Variants in PLXDC1 observed in about 807,000 individuals in gnomAD.
PLXDC1 encodes plexin domain-containing protein 1.
Under a neutral mutation model 61.3 loss-of-function variants are expected in PLXDC1, and 39 were observed. The ratio of observed to expected loss-of-function variants is 0.64; its 90% confidence interval spans 0.49 to 0.83. The LOEUF is 0.83. Among genes scored for constraint, PLXDC1 ranks in the 40% least tolerant of loss-of-function variants. PLXDC1 has a pLI of 0.00. For synonymous variants in PLXDC1, 212 were observed against 254.5 expected (o/e 0.83, Z 1.59); for missense variants, 596 against 666.5 (o/e 0.89, Z 1.17).
At chr17:39,100,641 A>C (rs77404026) in intron 7 of PLXDC1, among the ~76,000 whole-genome samples, 2,944 of 152,142 alleles carry the variant, frequency 0.019, 99 homozygotes, top group African/African-American at 0.068. Context: ...ATCCATAAAA[A>C]CTCTGAGATA....
chr17:39,085,072 C>T (rs1448621732), intron 8 of PLXDC1, among the ~76,000 whole-genome samples: 1 of 152,260 alleles, frequency 6.6e-6, no homozygotes, highest in Non-Finnish European at 1.5e-5. Flanking sequence ...AATGACCACT[C>T]ATTTGATCAA....
intron 2 of PLXDC1, among the ~76,000 whole-genome samples, chr17:39,128,149 G>GTATATATATA (rs1567769629): frequency 6.1e-5 from 3 of 49,488 alleles, no homozygotes; most frequent in Non-Finnish European, 7.9e-5. Flanking sequence ...GTATATATAT[G>GTATATATATA]TGTGTATATA....
At chr17:39,140,026 G>A (rs776778689) in intron 1 of PLXDC1, among the ~76,000 whole-genome samples, 194 bp from the exon 2 acceptor site, 3 of 152,154 alleles carry the variant, frequency 2.0e-5, no homozygotes, top group Non-Finnish European at 4.4e-5. Flanking sequence ...CAAGCACTTC[G>A]CACATATCCT....
chr17:39,117,184 T>C (rs1235577113), intron 2 of PLXDC1, among the ~76,000 whole-genome samples: 10 of 152,222 alleles, frequency 6.6e-5, no homozygotes, highest in Admixed American at 2.6e-4. Context: ...CAACTAGCCC[T>C]GGCTCATGGA....
chr17:39,087,599 C>G lies in PLXDC1; in HGVS notation c.907+8G>C. 1 of 1,608,390 alleles carries G rather than the reference C, an allele frequency of 6.2e-7. No homozygotes were observed. The highest frequency in any genetic ancestry group is 8.5e-7 in the Non-Finnish European group (1 of 1,174,824). The stretch of plus-strand genomic sequence containing the variant: ...TCTTTCTGGGATGGCGGAATGACCC[C>G]TACTCACTCGGCAATGGGGTGAACT... On this transcript the variant is annotated splice_region_variant and intron_variant, in intron 8 of 13. Transcript: ENST00000315392.
chr17:39,087,460 A>C, intron 8 of PLXDC1, 147 bp downstream of exon 8: 1 of 648,124 alleles, frequency 1.5e-6, no homozygotes. Context: ...GGGAGGTGGC[A>C]TCAGGCTCGG....
intron 7 of PLXDC1, among the ~76,000 whole-genome samples, chr17:39,105,540 G>A (rs980885277): frequency 3.9e-5 from 6 of 152,202 alleles, no homozygotes; most frequent in Admixed American, 3.9e-4. Flanking sequence ...TATTCTGGGA[G>A]GACTCAAACC....
At position 39,065,684 on chromosome 17, in the gene PLXDC1, G is replaced by A. The variant is rs1028175056; in HGVS notation, c.*2156C>T. 2 of 152,136 alleles carry A rather than the reference G, an allele frequency of 1.3e-5. No individual in the cohort carries two copies. Among genetic ancestry groups the A allele is most frequent in the African/African-American group, 4.8e-5 (2 of 41,418 alleles). The allele number at this position is 152,136 out of a possible 1,614,324, so 9.4% of individuals were successfully genotyped here. A position where few individuals can be genotyped will look rare whatever the true frequency, so the allele number is the denominator to read the frequency against. On this transcript the variant is annotated 3_prime_UTR_variant, in exon 14 of 14. Coordinates refer to ENST00000315392, the MANE Select transcript of PLXDC1 (RefSeq NM_020405.5). ...AGCCATCAGGCTTGGCCAAATAAGC[G>A]TTTATTGGACAGATCCAGTTCTCCA... is the stretch of plus-strand genomic sequence containing the variant.
At chr17:39,124,899 C>T (rs1911270346) in intron 2 of PLXDC1, among the ~76,000 whole-genome samples, 1 of 152,126 alleles carries the variant, frequency 6.6e-6, no homozygotes, top group African/African-American at 2.4e-5. Flanking sequence ...CTGCAACCTC[C>T]ACCTCCCGGG....
rs1011857790 is a variant in PLXDC1, at chr17:39,125,158, A to G, written c.255+14496T>C. Reference sequence around the variant, plus strand: ...ATTTTCTCTCACCTCATGTATCCATACAATAACCCCCAGCTGCCCTCTGGA... The same window carrying G: ...ATTTTCTCTCACCTCATGTATCCATGCAATAACCCCCAGCTGCCCTCTGGA... On this transcript the variant is annotated intron_variant, in intron 2 of 13. Transcript: ENST00000315392. 2.0e-5 allele frequency among the ~76,000 whole-genome samples: 3 copies of G among 152,218 alleles called. No individual in the cohort carries two copies. The South Asian group carries it at 6.2e-4, about 31-fold the overall frequency.
At chr17:39,083,327 G>C (rs1909628374) in intron 9 of PLXDC1, 132 bp downstream of exon 9, 3 of 721,612 alleles carry the variant, frequency 4.2e-6, no homozygotes, top group Non-Finnish European at 7.5e-6. Flanking sequence ...TGTCCCAAGA[G>C]TCAGAGTGGT....
intron 9 of PLXDC1, 60 bp from the exon 10 acceptor site, chr17:39,079,224 C>T: frequency 1.4e-6 from 2 of 1,422,118 alleles, no homozygotes; most frequent in South Asian, 1.1e-5. Flanking sequence ...CTTCCCCTTT[C>T]ACTGTTCAGT....
chr17:39,136,542 C>A (rs1167595987), intron 2 of PLXDC1, among the ~76,000 whole-genome samples: 1 of 152,040 alleles, frequency 6.6e-6, no homozygotes, highest in Non-Finnish European at 1.5e-5. Context: ...AGCCACCGTG[C>A]CCGGCCCAAA....
At chr17:39,075,319 C>T (rs905070512) in intron 11 of PLXDC1, among the ~76,000 whole-genome samples, 1 of 152,246 alleles carries the variant, frequency 6.6e-6, no homozygotes, top group Admixed American at 6.5e-5. Context: ...TCAGTGCCAG[C>T]TCCTTGTTAT....
rs563170223 is a variant in PLXDC1, at chr17:39,066,444, T to C, written c.*1396A>G. On this transcript the variant is annotated 3_prime_UTR_variant, in exon 14 of 14. Transcript: ENST00000315392. ...CTTGAGTTCTTTTCTCTCCTCTTAT[T>C]TGACTTCCCTCCCATGATAACATGC... The C allele has an allele frequency of 6.6e-6, 1 of 152,326 alleles. No homozygotes were observed. Among genetic ancestry groups the C allele is most frequent in the South Asian group, 2.1e-4 (1 of 4,822 alleles). 9.4% of individuals were successfully genotyped at this position (152,326 alleles called of 1,614,324 possible).
intron 2 of PLXDC1, among the ~76,000 whole-genome samples, chr17:39,135,165 T>G (rs147257963): frequency 6.6e-6 from 1 of 152,364 alleles, no homozygotes; most frequent in Non-Finnish European, 1.5e-5. Context: ...ACTCTCCAGA[T>G]AAGTTATCCC....
In PLXDC1 at chr17:39,109,221, A is replaced by T. The variant is rs1483594625; in HGVS notation, c.399+27T>A. The T allele has an allele frequency of 2.5e-6, 4 of 1,594,984 alleles. No homozygotes were observed. The Admixed American group carries it at 6.9e-5, about 27-fold the overall frequency. On this transcript the variant is annotated intron_variant, in intron 3 of 13. Transcript: ENST00000315392. ...GGCCCCCGGCCTCCCAGCACAGGGA[A>T]GCATGGCTGGCGACTGGGGCACTCA...
rs1909791307 is a variant in PLXDC1 at position 39,087,634 on chromosome 17, A to G, written c.880T>C (p.Ser294Pro). 6.2e-7 allele frequency: 1 copy of G among 1,614,086 alleles called. No homozygotes were observed. Among genetic ancestry groups the G allele is most frequent in the Admixed American group, 1.7e-5 (1 of 60,016 alleles). ...GGCAATGGGGTGAACTCCACGGCCG[A>G]CATGCTGGTGACCTTGCTGGGGTCC... is the stretch of plus-strand genomic sequence containing the variant. ...ELDPSKVTSM[S>P]AVEFTPLPTC... Residue 294 changes from serine to proline, a missense_variant, in exon 8 of 14, where the codon TCG becomes CCG. By Grantham distance (74) the Ser-to-Pro change is moderately conservative. Coordinates refer to ENST00000315392, the MANE Select transcript of PLXDC1 (RefSeq NM_020405.5).
chr17:39,076,476 A>C (rs974689785), intron 11 of PLXDC1, among the ~76,000 whole-genome samples: 92 of 149,242 alleles, frequency 6.2e-4, no homozygotes, highest in African/African-American at 2.3e-3. Flanking sequence ...ACTCCAGTGC[A>C]CTCCAGCCTG....
Sources: gnomAD v4.1 joint callset for allele counts (sites outside exome capture counted in the v4.1 genomes callset) on GRCh38, gnomAD v4.1.1 for gene constraint, MANE v1.5 for transcripts, NCBI Gene and HGNC (gene_info 2026-07-23, HGNC 2026-07-21) for gene names.